The following AGBL3 variants were observed in gnomAD, a reference collection of about 807,000 sequenced individuals.
AGBL3 encodes the protein cytosolic carboxypeptidase 3.
A neutral mutation model predicts 94.5 loss-of-function variants in AGBL3; 68 were observed. The ratio of observed to expected loss-of-function variants is 0.72; its 90% CI spans 0.59 to 0.88. The LOEUF (loss-of-function observed/expected upper bound fraction) is 0.88. Among genes scored for constraint, AGBL3 ranks in the 40% least tolerant of loss-of-function variants. AGBL3 has a pLI of 0.00. For missense variants in AGBL3, 934 were observed against 1,103.8 expected (o/e 0.85, Z 2.18); for synonymous variants, 354 against 370.7 (o/e 0.95, Z 0.52).
At chr7:135,094,808 C>T (rs6946387) in intron 15 of AGBL3, among the ~76,000 whole-genome samples, 67,172 of 151,986 alleles carry the variant, frequency 0.44, 15,497 homozygotes, top group East Asian at 0.78. Context: ...ATTCAGATTA[C>T]ATAAGTTGTT....
At chr7:135,000,087 T>G (rs1458463735) in intron 4 of AGBL3, among the ~76,000 whole-genome samples, 1 of 152,214 alleles carries the variant, frequency 6.6e-6, no homozygotes, top group African/African-American at 2.4e-5. Context: ...CCAGTAACAT[T>G]GTCCTGTATA....
intron 15 of AGBL3, among the ~76,000 whole-genome samples, chr7:135,103,330 C>T (rs986430202): frequency 1.3e-5 from 2 of 152,106 alleles, no homozygotes; most frequent in African/African-American, 2.4e-5. Context: ...ATACTAGTCT[C>T]TCTATATTCG....
At chr7:135,131,291 A>T (rs1373216905) in intron 16 of AGBL3, among the ~76,000 whole-genome samples, 2 of 151,992 alleles carry the variant, frequency 1.3e-5, no homozygotes, top group Non-Finnish European at 2.9e-5. Flanking sequence ...TAGAGGGGAA[A>T]ATCACACACC....
chr7:135,043,526 A>G (rs1329929581), intron 8 of AGBL3, among the ~76,000 whole-genome samples: 1 of 152,180 alleles, frequency 6.6e-6, no homozygotes, highest in Non-Finnish European at 1.5e-5. Flanking sequence ...TGATGGCACA[A>G]GAGGGTGACT....
chr7:135,026,244 A>ATTATTTTATTTTATTTTTTTATT (rs147501962), intron 5 of AGBL3, among the ~76,000 whole-genome samples: 1 of 81,464 alleles, frequency 1.2e-5, no homozygotes, highest in African/African-American at 3.9e-5. Context: ...AATGAATACC[A>ATTATTTTATTTTATTTTTTTATT]TTATTTTATT....
chr7:135,079,012 C>T (rs12707210), intron 13 of AGBL3, among the ~76,000 whole-genome samples: 66,799 of 151,910 alleles, frequency 0.44, 15,379 homozygotes, highest in East Asian at 0.78. Context: ...CACCAAGACA[C>T]TCTTACTTGT....
chr7:135,023,773 C>T (rs1469979623), intron 5 of AGBL3, among the ~76,000 whole-genome samples: 5 of 152,202 alleles, frequency 3.3e-5, no homozygotes, highest in Non-Finnish European at 7.3e-5. Flanking sequence ...CTAGCCCTTC[C>T]CAAGGCCCCT....
chr7:134,994,584 A>G (rs1181196381), intron 4 of AGBL3, among the ~76,000 whole-genome samples: 1 of 152,110 alleles, frequency 6.6e-6, no homozygotes, highest in Non-Finnish European at 1.5e-5. Context: ...TGGAGATCTT[A>G]TGGACACTCA....
intron 7 of AGBL3, 113 bp from the exon 8 acceptor site, chr7:135,037,305 C>G: frequency 1.2e-6 from 1 of 848,368 alleles, no homozygotes; most frequent in Non-Finnish European, 1.7e-6. Flanking sequence ...TAAGAGAAAG[C>G]TAGGATATAA....
chr7:134,995,429 C>T (rs1477450546), intron 4 of AGBL3: 2 of 152,248 alleles, frequency 1.3e-5, no homozygotes, highest in Non-Finnish European at 2.9e-5. Context: ...TCATTTTGCC[C>T]TCAGTCACAG....
At chr7:135,081,668 T>C in intron 14 of AGBL3, 51 bp from the exon 15 acceptor site, 1 of 1,229,848 alleles carries the variant, frequency 8.1e-7, no homozygotes, top group Non-Finnish European at 1.1e-6. Flanking sequence ...ATATGAAATG[T>C]AAATGGGCGA....
In AGBL3 at chr7:135,034,316, T is replaced by C; in HGVS notation, c.725T>C (p.Leu242Pro). 6.4e-7 allele frequency: 1 copy of C among 1,551,760 alleles called. No homozygotes were observed. The highest frequency in any genetic ancestry group is 1.2e-5 in the South Asian group (1 of 84,068). Reference protein sequence around the residue: ...ASLYSRGMRPLFYSEKEAKAH... With the variant: ...ASLYSRGMRPPFYSEKEAKAH... Reference sequence around the variant, plus strand: ...CTTTACAGTCGGGGTATGCGCCCACTGTTCTATTCTGAAAAAGAGGCCAAG... The same window carrying C: ...CTTTACAGTCGGGGTATGCGCCCACCGTTCTATTCTGAAAAAGAGGCCAAG... The change falls in exon 7 of 17, where the codon CTG becomes CCG. Residue 242 changes from leucine to proline, a missense_variant. Coordinates refer to ENST00000436302, the MANE Select transcript of AGBL3 (RefSeq NM_178563.4).
intron 12 of AGBL3, among the ~76,000 whole-genome samples, chr7:135,074,983 AT>A (rs1820316309): frequency 6.6e-6 from 1 of 152,240 alleles, no homozygotes; most frequent in African/African-American, 2.4e-5. Flanking sequence ...CATAATACCA[AT>A]TAAATTCTAA....
intron 16 of AGBL3, among the ~76,000 whole-genome samples, chr7:135,127,879 T>C (rs1828110939): frequency 6.6e-6 from 1 of 152,174 alleles, no homozygotes; most frequent in African/African-American, 2.4e-5. Flanking sequence ...TGCACACATA[T>C]GTTTATTGCA....
intron 3 of AGBL3, among the ~76,000 whole-genome samples, chr7:134,990,682 T>C (rs781479296): frequency 1.3e-5 from 2 of 152,240 alleles, no homozygotes. Context: ...CTAAAGTGGC[T>C]ATATCCTTTT....
intron 12 of AGBL3, among the ~76,000 whole-genome samples, chr7:135,061,859 G>C (rs569096574): frequency 6.6e-6 from 1 of 152,108 alleles, no homozygotes; most frequent in Admixed American, 6.5e-5. Context: ...GTTTTGGCTA[G>C]TTCGGCTCCT....
At chr7:135,019,243 T>C (rs1227824939) in intron 5 of AGBL3, among the ~76,000 whole-genome samples, 3 of 152,216 alleles carry the variant, frequency 2.0e-5, no homozygotes, top group African/African-American at 7.2e-5. Flanking sequence ...AAGATGTAAA[T>C]GCTGTGTCAT....
Position 135,135,168 on chromosome 7 carries a change from T to C in AGBL3, c.2670T>C (p.His890=). The change falls in exon 17 of 17, where the codon CAT becomes CAC. Residue 890 remains histidine (H), a synonymous_variant. Transcript: ENST00000436302. ...AAACTAACCAGCAAAGCTCTAAGCATACAGCCCTCCATCTAACTAAAAATA... is the reference window on the plus strand; with the variant it reads ...AAACTAACCAGCAAAGCTCTAAGCACACAGCCCTCCATCTAACTAAAAATA... ...AEETNQQSSK[H]TALHLTKNKD... The C allele has an allele frequency of 1.3e-6, 2 of 1,550,988 alleles. No homozygotes were observed. Among genetic ancestry groups the C allele is most frequent in the Non-Finnish European group, 8.7e-7 (1 of 1,146,592 alleles).
intron 4 of AGBL3, chr7:135,010,716 T>C (rs1813038483): frequency 6.6e-6 from 1 of 152,178 alleles, no homozygotes; most frequent in East Asian, 1.9e-4. Context: ...CTTTTCTGTA[T>C]GTTTTCAACT....
Sources: gnomAD v4.1 joint callset for allele counts (sites outside exome capture counted in the v4.1 genomes callset) on GRCh38, gnomAD v4.1.1 for gene constraint, MANE v1.5 for transcripts, NCBI Gene and HGNC (gene_info 2026-07-23, HGNC 2026-07-21) for gene names.